Variants in SUPT3H observed in about 807,000 individuals in gnomAD.
The protein encoded by SUPT3H is SPT3 homolog, SAGA and STAGA complex component.
SUPT3H carries 44 observed loss-of-function variants against 44.3 expected under a neutral mutation model. That is an observed-to-expected ratio of 0.99 (90% CI 0.78 to 1.28). The LOEUF (loss-of-function observed/expected upper bound fraction) is 1.28. SUPT3H is among the 50% of genes most tolerant of loss of function. The pLI is 0.00. For missense variants in SUPT3H, 380 were observed against 387.1 expected, an observed-to-expected ratio of 0.98 and a Z score of 0.15; for synonymous variants, 124 against 125.6, an observed-to-expected ratio of 0.99 and a Z score of 0.09.
intron 3 of SUPT3H, chr6:45,098,865 G>T (rs1020702946): frequency 1.6e-5 from 9 of 549,150 alleles, no homozygotes; most frequent in Non-Finnish European, 3.3e-5. Flanking sequence ...CTGCTGAGAA[G>T]TCCTTTGATA....
chr6:45,186,889 C>T (rs945165757), intron 2 of SUPT3H, among the ~76,000 whole-genome samples: 11 of 151,970 alleles, frequency 7.2e-5, no homozygotes, highest in Non-Finnish European at 1.6e-4. Context: ...TTGCTATGTT[C>T]CCTCCGGTTT....
chr6:44,958,586 G>A (rs369901439), intron 7 of SUPT3H, among the ~76,000 whole-genome samples: 64 of 152,236 alleles, frequency 4.2e-4, no homozygotes, highest in African/African-American at 1.3e-3. Flanking sequence ...TATAAGGGGG[G>A]ACCTGGCGTC....
intron 9 of SUPT3H, among the ~76,000 whole-genome samples, chr6:44,945,641 C>T (rs1021067317): frequency 6.6e-6 from 1 of 152,186 alleles, no homozygotes; most frequent in Non-Finnish European, 1.5e-5. Context: ...GGTGCTAACT[C>T]TCTTTAATTC....
At chr6:44,842,323 G>T (rs1011916339) in intron 10 of SUPT3H, among the ~76,000 whole-genome samples, 4 of 152,084 alleles carry the variant, frequency 2.6e-5, no homozygotes, top group Non-Finnish European at 5.9e-5. Flanking sequence ...GCAGAGGAAG[G>T]AAGTTACTTA....
chr6:45,196,992 TGAG>T (rs1363235654), intron 2 of SUPT3H, among the ~76,000 whole-genome samples: 4 of 151,496 alleles, frequency 2.6e-5, no homozygotes, highest in South Asian at 2.1e-4. Flanking sequence ...CCTCAGCTTC[TGAG>T]GAGAAGAAAA....
chr6:44,850,422 T>A (rs866985224), intron 10 of SUPT3H, among the ~76,000 whole-genome samples: 3 of 152,154 alleles, frequency 2.0e-5, no homozygotes, highest in Admixed American at 1.3e-4. Context: ...CAAATCCAGA[T>A]GTATGTTTTT....
chr6:44,814,814 T>C (rs1184441740), intron 11 of SUPT3H, among the ~76,000 whole-genome samples: 1 of 152,112 alleles, frequency 6.6e-6, no homozygotes, highest in Non-Finnish European at 1.5e-5. Flanking sequence ...ATAGCTGGGA[T>C]TACAAGTGTG....
chr6:44,924,100 T>A (rs1288012360), intron 10 of SUPT3H, among the ~76,000 whole-genome samples: 3 of 152,158 alleles, frequency 2.0e-5, no homozygotes, highest in Non-Finnish European at 4.4e-5. Context: ...TGAAGAATTA[T>A]GCTGGATAAG....
chr6:44,944,012 AGAT>A (rs1772884726), intron 9 of SUPT3H, among the ~76,000 whole-genome samples: 1 of 152,150 alleles, frequency 6.6e-6, no homozygotes. Context: ...CTTTTGGCTA[AGAT>A]CAAGTGAAGC....
intron 2 of SUPT3H, among the ~76,000 whole-genome samples, chr6:45,151,810 C>T (rs1039117131): frequency 2.0e-5 from 3 of 152,142 alleles, no homozygotes; most frequent in Admixed American, 2.0e-4. Context: ...GATAAAGGCC[C>T]TTAGCATTAA....
intron 11 of SUPT3H, among the ~76,000 whole-genome samples, chr6:44,812,538 T>C (rs1001248420): frequency 6.6e-6 from 1 of 152,250 alleles, no homozygotes; most frequent in African/African-American, 2.4e-5. Context: ...GCAACCTTCA[T>C]GCCATCTGCA....
chr6:44,945,214 T>C (rs1773153990), intron 9 of SUPT3H, among the ~76,000 whole-genome samples: 1 of 152,202 alleles, frequency 6.6e-6, no homozygotes. Context: ...TTCCGACTAC[T>C]CCACTGACTA....
intron 2 of SUPT3H, among the ~76,000 whole-genome samples, chr6:45,178,341 G>T (rs1355566783): frequency 6.6e-6 from 1 of 152,006 alleles, no homozygotes; most frequent in Non-Finnish European, 1.5e-5. Flanking sequence ...ATGGTAAAGG[G>T]ATCAATTCAA....
intron 2 of SUPT3H, among the ~76,000 whole-genome samples, chr6:45,140,317 T>C (rs1291308834): frequency 6.6e-6 from 1 of 152,084 alleles, no homozygotes; most frequent in African/African-American, 2.4e-5. Context: ...AGATGTAACT[T>C]TTGGGAGCTT....
intron 10 of SUPT3H, among the ~76,000 whole-genome samples, chr6:44,903,896 T>A (rs2153449618): frequency 6.6e-6 from 1 of 152,286 alleles, no homozygotes; most frequent in South Asian, 2.1e-4. Flanking sequence ...TCAATAAACC[T>A]AATCCAGCAT....
At chr6:45,179,524 T>C (rs1584071672) in intron 2 of SUPT3H, among the ~76,000 whole-genome samples, 1 of 152,130 alleles carries the variant, frequency 6.6e-6, no homozygotes, top group African/African-American at 2.4e-5. Context: ...AAAAAACTTA[T>C]CCACCATGAT....
At chr6:45,259,279 G>A (rs12191262) in intron 2 of SUPT3H, among the ~76,000 whole-genome samples, 32,548 of 151,898 alleles carry the variant, frequency 0.21, 4,399 homozygotes, top group Non-Finnish European at 0.31. Flanking sequence ...GGGTGAATAA[G>A]TAATTACAAA....
intron 10 of SUPT3H, among the ~76,000 whole-genome samples, chr6:44,930,098 G>C (rs1406396240): frequency 6.6e-6 from 1 of 151,948 alleles, no homozygotes; most frequent in Admixed American, 6.6e-5. Context: ...CAAAAATTAG[G>C]CTGGGCGAGG....
At chr6:45,074,585 G>A (rs1449872538) in intron 3 of SUPT3H, among the ~76,000 whole-genome samples, 2 of 151,870 alleles carry the variant, frequency 1.3e-5, no homozygotes, top group African/African-American at 4.8e-5. Flanking sequence ...AGACACAAAA[G>A]GGCACACTCT....
Sources: gnomAD v4.1 joint callset for allele counts (sites outside exome capture counted in the v4.1 genomes callset) on GRCh38, gnomAD v4.1.1 for gene constraint, MANE v1.5 for transcripts, NCBI Gene and HGNC (gene_info 2026-07-23, HGNC 2026-07-21) for gene names.